Variants in CCDC146 observed in about 807,000 individuals in gnomAD.
The protein encoded by CCDC146 is coiled-coil domain containing 146.
CCDC146 carries 92 observed loss-of-function variants against 119.3 expected under a neutral mutation model. The observed-to-expected ratio is 0.77, with a 90% CI of 0.65 to 0.92. The LOEUF (loss-of-function observed/expected upper bound fraction) is 0.92. Ranked by LOEUF, CCDC146 falls within the 40% of genes least tolerant of loss-of-function variation. CCDC146 has a pLI of 0.00. For missense variants in CCDC146, 1,000 were observed against 1,103.0 expected (o/e 0.91, Z 1.32); for synonymous variants, 372 against 371.8 (o/e 1.00, Z -0.01).
intron 2 of CCDC146, among the ~76,000 whole-genome samples, chr7:77,175,859 A>G (rs562667413): frequency 3.3e-5 from 5 of 151,376 alleles, no homozygotes; most frequent in South Asian, 2.1e-4. Context: ...ATGAGAATTT[A>G]TGGACATAAA....
chr7:77,144,339 A>G (rs1790982384), intron 1 of CCDC146, among the ~76,000 whole-genome samples: 1 of 151,774 alleles, frequency 6.6e-6, no homozygotes, highest in Non-Finnish European at 1.5e-5. Flanking sequence ...GGTTTTCTAA[A>G]TATACAATCA....
At chr7:77,228,937 C>T (rs1434662827) in intron 2 of CCDC146, among the ~76,000 whole-genome samples, 1 of 152,158 alleles carries the variant, frequency 6.6e-6, no homozygotes, top group Non-Finnish European at 1.5e-5. Context: ...GTCAATCAGC[C>T]CATCACCTAG....
rs370319216 is a variant in CCDC146, at chr7:77,258,998, G to A, written c.688G>A (p.Glu230Lys). 94 of 1,610,082 alleles carry A rather than the reference G, an allele frequency of 5.8e-5. No homozygotes were observed. Among genetic ancestry groups the A allele is most frequent in the Non-Finnish European group, 7.6e-5 (89 of 1,177,002 alleles). The change falls in exon 7 of 19, where the codon GAA (glutamate) becomes AAA (lysine). Residue 230 changes from glutamate (E) to lysine (K), a missense_variant. Physicochemically the swap from Glu to Lys is moderately conservative, Grantham distance 56 (BLOSUM62 1). Coordinates refer to ENST00000285871, the MANE Select transcript of CCDC146 (RefSeq NM_020879.3). ...CATGATTTCGTTTCTTTACTAGGAT[G>A]AAGTGGCCCACCATCAAACCATTCC... Reference protein sequence around the residue: ...LLGHQVVLKDEVAHHQTIPVQ... With the variant: ...LLGHQVVLKDKVAHHQTIPVQ...
At chr7:77,225,631 C>G (rs1380650192) in intron 2 of CCDC146, among the ~76,000 whole-genome samples, 1 of 147,342 alleles carries the variant, frequency 6.8e-6, no homozygotes, top group Non-Finnish European at 1.5e-5. Flanking sequence ...GACTACTAGA[C>G]TATGCTAGCC....
chr7:77,163,475 T>A (rs907884081), intron 1 of CCDC146, among the ~76,000 whole-genome samples: 1 of 152,126 alleles, frequency 6.6e-6, no homozygotes, highest in Non-Finnish European at 1.5e-5. Flanking sequence ...TATATACGTA[T>A]TTTTAAAATA....
At position 77,167,674 on chromosome 7, in the gene CCDC146, A is replaced by G; in HGVS notation, c.6A>G (p.Glu2=). ...TTATTTTAGAATCGTGAAAAATGGA[A>G]GACAGTAGCACAGACACAGAAAAAG... M[E]DSSTDTEKEE... The change falls in exon 2 of 19, where the codon GAA becomes GAG. Residue 2 remains glutamate, a synonymous_variant. Transcript: ENST00000285871. 6.4e-7 allele frequency: 1 copy of G among 1,564,154 alleles called. No individual in the cohort carries two copies. Among genetic ancestry groups the G allele is most frequent in the Non-Finnish European group, 8.6e-7 (1 of 1,158,422 alleles).
intron 2 of CCDC146, chr7:77,199,885 A>G: frequency 6.9e-7 from 1 of 1,454,984 alleles, no homozygotes; most frequent in Admixed American, 2.1e-5. Context: ...CTGTGTTCCC[A>G]GGAAAGGGTG....
intron 4 of CCDC146, among the ~76,000 whole-genome samples, chr7:77,243,924 G>C (rs969587353): frequency 4.6e-5 from 7 of 152,196 alleles, no homozygotes; most frequent in African/African-American, 1.4e-4. Context: ...TGTCGCCCAG[G>C]CTGGAGTGCA....
intron 2 of CCDC146, among the ~76,000 whole-genome samples, chr7:77,210,483 TCAA>T (rs1203999300): frequency 1.3e-5 from 2 of 152,198 alleles, no homozygotes; most frequent in African/African-American, 2.4e-5. Context: ...TCACAACCAT[TCAA>T]CAAGTCTATA....
intron 2 of CCDC146, 85 bp from the exon 3 acceptor site, chr7:77,236,862 A>T: frequency 1.0e-6 from 1 of 993,352 alleles, no homozygotes; most frequent in Non-Finnish European, 1.6e-6. Context: ...GGAGGATTTT[A>T]TAAGATAACC....
chr7:77,156,457 GAA>G (rs11369587), intron 1 of CCDC146, among the ~76,000 whole-genome samples: 15 of 148,758 alleles, frequency 1.0e-4, no homozygotes, highest in East Asian at 5.9e-4. Context: ...TTCCTTTTAG[GAA>G]AAAAAAAAAT....
rs1355688307 is a variant in CCDC146, at chr7:77,155,097, CTAAT to C, written c.-11-12557_-11-12554del. Among the ~76,000 whole-genome samples the C allele has an allele frequency of 2.0e-5, 3 of 152,172 alleles. No individual in the cohort carries two copies. The East Asian group carries it at 5.8e-4, about 29-fold the overall frequency. Reference sequence around the variant, plus strand: ...TGCTGACTGCTAAATTATTTGGAAACTAATTAAGGGAACTGATAGCGCCTTTCAG... The same window carrying C: ...TGCTGACTGCTAAATTATTTGGAAACTAAGGGAACTGATAGCGCCTTTCAG... On this transcript the variant is annotated intron_variant, in intron 1 of 18. Transcript: ENST00000285871.
chr7:77,207,162 C>T (rs3114363), intron 2 of CCDC146, among the ~76,000 whole-genome samples: 10,237 of 152,154 alleles, frequency 0.067, 479 homozygotes, highest in Non-Finnish European at 0.09. Flanking sequence ...TGGGTATCTC[C>T]TCATCTAAGT....
intron 1 of CCDC146, among the ~76,000 whole-genome samples, chr7:77,149,665 C>A (rs2117442211): frequency 6.6e-6 from 1 of 151,756 alleles, no homozygotes; most frequent in Admixed American, 6.6e-5. Context: ...ACTCTGGATA[C>A]TGAGGACAAG....
intron 2 of CCDC146, among the ~76,000 whole-genome samples, chr7:77,225,070 C>T (rs546892770): frequency 1.3e-5 from 2 of 152,146 alleles, no homozygotes; most frequent in East Asian, 3.9e-4. Context: ...GAGAGATGAG[C>T]AAATTTATAG....
chr7:77,167,516 T>C (rs1562821098), intron 1 of CCDC146, 142 bp from the exon 2 acceptor site: 1 of 536,194 alleles, frequency 1.9e-6, no homozygotes, highest in Non-Finnish European at 3.0e-6. Flanking sequence ...TATAATGAGA[T>C]TGTAGCTAAC....
At chr7:77,288,486 G>T (rs749771788) in intron 17 of CCDC146, among the ~76,000 whole-genome samples, 6 of 152,164 alleles carry the variant, frequency 3.9e-5, no homozygotes, top group African/African-American at 1.2e-4. Context: ...GGTCATGTCC[G>T]TGCAGGCACG....
intron 1 of CCDC146, among the ~76,000 whole-genome samples, chr7:77,137,144 C>A (rs944597639): frequency 2.0e-5 from 3 of 151,870 alleles, no homozygotes; most frequent in African/African-American, 7.3e-5. Context: ...AAACCTGTAG[C>A]TAACATCATA....
At chr7:77,283,802 C>G (rs1793803616) in intron 15 of CCDC146, among the ~76,000 whole-genome samples, 1 of 152,070 alleles carries the variant, frequency 6.6e-6, no homozygotes, top group Non-Finnish European at 1.5e-5. Flanking sequence ...GATCTGCTTT[C>G]ATATTTTATG....
Sources: allele counts gnomAD v4.1 joint callset (sites outside exome capture counted in the v4.1 genomes callset), GRCh38; gene constraint gnomAD v4.1.1; transcripts MANE v1.5; gene names NCBI Gene and HGNC (gene_info 2026-07-23, HGNC 2026-07-21).